Variants in FARP2 observed in about 807,000 individuals in gnomAD.
The protein encoded by FARP2 is FERM, ARHGEF and pleckstrin domain-containing protein 2.
A neutral mutation model predicts 130.5 loss-of-function variants in FARP2; 111 were observed. The observed-to-expected ratio is 0.85, with a 90% CI of 0.73 to 1.00. The LOEUF (loss-of-function observed/expected upper bound fraction) is 1.00. FARP2 is among the 50% of genes least tolerant of loss of function. FARP2 has a pLI of 0.00. For missense variants in FARP2, 1,385 were observed against 1,346.3 expected (o/e 1.03, Z -0.45); for synonymous variants, 504 against 516.9 (o/e 0.98, Z 0.34).
intron 18 of FARP2, among the ~76,000 whole-genome samples, chr2:241,474,317 C>CA (rs56128645): frequency 0.016 from 760 of 46,680 alleles, 73 homozygotes; most frequent in Middle Eastern, 0.028. Context: ...GATTCCGTCT[C>CA]AAAAAAAAAA....
intron 3 of FARP2, among the ~76,000 whole-genome samples, chr2:241,404,460 A>G (rs1433514377): frequency 6.6e-6 from 1 of 152,190 alleles, no homozygotes; most frequent in Non-Finnish European, 1.5e-5. Flanking sequence ...CCCGCTCATC[A>G]GTTTGTTCAC....
chr2:241,491,668 G>A lies in FARP2; in HGVS notation c.2776G>A (p.Ala926Thr), dbSNP rs765145383. The change falls in exon 24 of 27, where the codon GCA (alanine) becomes ACA (threonine). Residue 926 changes from alanine to threonine, a missense_variant. By Grantham distance (58) the Ala-to-Thr change is moderately conservative (BLOSUM62 0). Transcript: ENST00000264042. ...CAGCGTGTCCAGGGCAGACCACAGT[G>A]CAGCTGTCGAGGTACGACCGCATGA... The part of the protein sequence containing the change: ...NTSVSRADHS[A>T]AVENQLSGYL... 4 of 1,604,490 alleles carry A rather than the reference G, an allele frequency of 2.5e-6. No individual in the cohort carries two copies. The East Asian group carries it at 6.7e-5, about 27-fold the overall frequency.
intron 2 of FARP2, among the ~76,000 whole-genome samples, chr2:241,385,794 A>C (rs961939353): frequency 6.6e-6 from 1 of 152,172 alleles, no homozygotes; most frequent in Admixed American, 6.5e-5. Context: ...CATTTACGTC[A>C]TATCATCCAT....
chr2:241,460,066 A>T (rs553416088), intron 14 of FARP2, among the ~76,000 whole-genome samples: 10 of 152,298 alleles, frequency 6.6e-5, no homozygotes, highest in African/African-American at 2.4e-4. Context: ...TTTGGACTCC[A>T]TGCCACGGTG....
intron 8 of FARP2, among the ~76,000 whole-genome samples, chr2:241,422,084 G>T (rs1214685075): frequency 1.3e-5 from 2 of 151,910 alleles, no homozygotes. Context: ...GGCAGAGGTT[G>T]CAGTGAGCTG....
intron 8 of FARP2, among the ~76,000 whole-genome samples, chr2:241,421,121 T>G (rs998726482): frequency 2.0e-5 from 3 of 152,148 alleles, no homozygotes; most frequent in African/African-American, 7.2e-5. Context: ...TGAGTGACTG[T>G]GCAACCTCAC....
chr2:241,466,324 C>T (rs1213089391), intron 17 of FARP2: 8 of 985,336 alleles, frequency 8.1e-6, no homozygotes, highest in African/African-American at 1.7e-5. Context: ...CTTGGCCAGC[C>T]ACCCCTCAGC....
intron 13 of FARP2, 193 bp downstream of exon 13, chr2:241,441,749 G>A (rs1444732220): frequency 1.6e-5 from 13 of 822,656 alleles, no homozygotes; most frequent in Non-Finnish European, 2.2e-5. Context: ...GACCGGCAGT[G>A]TCGTGGGGGG....
intron 21 of FARP2, 21 bp from the exon 22 acceptor site, chr2:241,489,941 G>T (rs370376141): frequency 4.3e-5 from 67 of 1,562,452 alleles, no homozygotes; most frequent in Non-Finnish European, 5.7e-5. Flanking sequence ...ACAAGACTTG[G>T]ACCGTTTCTC....
chr2:241,361,682 A>G lies in FARP2; in HGVS notation c.-25+5294A>G, dbSNP rs569179980. Among the ~76,000 whole-genome samples the G allele has an allele frequency of 1.6e-4, 24 of 152,280 alleles. No individual in the cohort carries two copies. In the South Asian group the frequency reaches 5.0e-3, roughly 32 times the overall value. ...CAGAAACCTGAGCCAGACTAGCTCT[A>G]TAGTCAAACTGCTTTAGTGGGGGTA... On this transcript the variant is annotated intron_variant, in intron 1 of 26. Transcript: ENST00000264042.
intron 2 of FARP2, among the ~76,000 whole-genome samples, chr2:241,396,445 G>A (rs1410034971): frequency 5.9e-5 from 9 of 151,834 alleles, no homozygotes; most frequent in Non-Finnish European, 8.8e-5. Flanking sequence ...TCTGACAAAG[G>A]GCTAATATCC....
At chr2:241,382,580 G>A (rs372073025) in intron 2 of FARP2, among the ~76,000 whole-genome samples, 1 of 152,198 alleles carries the variant, frequency 6.6e-6, no homozygotes, top group African/African-American at 2.4e-5. Flanking sequence ...ACCACACCCA[G>A]TCTATACAAA....
rs547982504 is a variant in FARP2, at chr2:241,380,043, T to G, written c.183+6753T>G. Among the ~76,000 whole-genome samples, 3 of 152,274 alleles carry G rather than the reference T, an allele frequency of 2.0e-5. No individual in the cohort carries two copies. In the East Asian group the frequency reaches 5.8e-4, roughly 29 times the overall value. ...AACACACATACACAAGCAAGGTTGG[T>G]AAGTCACAGTCTGTGTTAGATTACA... is the stretch of plus-strand genomic sequence containing the variant. On this transcript the variant is annotated intron_variant, in intron 2 of 26. Coordinates refer to ENST00000264042, the MANE Select transcript of FARP2 (RefSeq NM_014808.4).
chr2:241,441,141 A>G (rs1489118237), intron 12 of FARP2, among the ~76,000 whole-genome samples, 163 bp from the exon 13 acceptor site: 1 of 152,254 alleles, frequency 6.6e-6, no homozygotes, highest in East Asian at 1.9e-4. Context: ...CTACTTTTAC[A>G]AATCTTCAGT....
intron 1 of FARP2, among the ~76,000 whole-genome samples, chr2:241,363,155 A>G (rs1251944435): frequency 6.6e-6 from 1 of 152,248 alleles, no homozygotes; most frequent in African/African-American, 2.4e-5. Flanking sequence ...TGGCTGTCCA[A>G]AACCTGAAGG....
intron 14 of FARP2, 95 bp downstream of exon 14, chr2:241,457,017 G>C: frequency 8.9e-7 from 1 of 1,124,048 alleles, no homozygotes; most frequent in Non-Finnish European, 1.2e-6. Context: ...CCCTGGGGCG[G>C]GGCAGGGAAG....
intron 2 of FARP2, among the ~76,000 whole-genome samples, chr2:241,397,241 G>A (rs1318207932): frequency 1.3e-5 from 2 of 152,092 alleles, no homozygotes; most frequent in South Asian, 2.1e-4. Flanking sequence ...GCTAAATGAC[G>A]AGTTGATGGG....
chr2:241,470,286 A>G (rs3771587), intron 18 of FARP2, among the ~76,000 whole-genome samples: 17,194 of 152,252 alleles, frequency 0.11, 1,236 homozygotes, highest in Non-Finnish European at 0.15. Flanking sequence ...TGTTAAGTGT[A>G]TGTTGTTGAT....
chr2:241,491,473 G>C, intron 23 of FARP2, 43 bp from the exon 24 acceptor site: 3 of 1,608,314 alleles, frequency 1.9e-6, no homozygotes, highest in Non-Finnish European at 2.5e-6. Context: ...GCAAGCAGAG[G>C]CCACAGGGGG....
Sources: allele counts gnomAD v4.1 joint callset (sites outside exome capture counted in the v4.1 genomes callset), GRCh38; gene constraint gnomAD v4.1.1; transcripts MANE v1.5; gene names NCBI Gene and HGNC (gene_info 2026-07-23, HGNC 2026-07-21).